Variants in NRXN1 observed in about 807,000 individuals in gnomAD.
NRXN1 encodes neurexin-1.
Under a neutral mutation model 150.9 loss-of-function variants are expected in NRXN1, and 39 were observed. That is an observed-to-expected ratio of 0.26 (90% CI 0.20 to 0.34). The LOEUF is 0.34. NRXN1 is among the 10% of genes least tolerant of loss of function. NRXN1 has a pLI of 1.00. For synonymous variants in NRXN1, 924 were observed against 757.0 expected (o/e 1.22, Z -3.62); for missense variants, 1,815 against 1,949.9 (o/e 0.93, Z 1.30).
At chr2:50,400,945 TG>T (rs1457158304) in intron 17 of NRXN1, among the ~76,000 whole-genome samples, 1 of 152,174 alleles carries the variant, frequency 6.6e-6, no homozygotes, top group East Asian at 1.9e-4. Flanking sequence ...CATAGTGCTG[TG>T]TGATCACCTT....
At position 50,439,708 on chromosome 2, in the gene NRXN1, T is replaced by C. The variant is rs530311750; in HGVS notation, c.3364+25734A>G. Among the ~76,000 whole-genome samples, 589 of 151,664 alleles carry C rather than the reference T, an allele frequency of 3.9e-3. 3 individuals carry two copies. Among genetic ancestry groups the C allele is most frequent in the African/African-American group, 0.014 (576 of 41,320 alleles). On this transcript the variant is annotated intron_variant, in intron 17 of 22. Coordinates refer to ENST00000401669, the MANE Select transcript of NRXN1 (RefSeq NM_001330078.2). ...GGCGGGTACCTGTAGTCCCAGCTAC[T>C]CGGGAGGCTGAGGCAGGAGAATGGC...
chr2:50,212,698 A>C (rs1488641589), intron 18 of NRXN1, among the ~76,000 whole-genome samples: 1 of 151,864 alleles, frequency 6.6e-6, no homozygotes, highest in African/African-American at 2.4e-5. Context: ...ATAAACCAAA[A>C]ATATTACTCA....
chr2:50,019,641 C>CAAAAAAAAAAAAAAAAAAAAAAAAAAAAA (rs764073226), intron 21 of NRXN1, among the ~76,000 whole-genome samples: 1 of 25,554 alleles, frequency 3.9e-5, no homozygotes, highest in Non-Finnish European at 6.4e-5. Context: ...GATTCCGTCT[C>CAAAAAAAAAAAAAAAAAAAAAAAAAAAAA]AAAAAAAAAA....
At chr2:50,522,011 G>A (rs1472552697) in intron 12 of NRXN1, among the ~76,000 whole-genome samples, 1 of 152,142 alleles carries the variant, frequency 6.6e-6, no homozygotes, top group Non-Finnish European at 1.5e-5. Context: ...TATACAGCCA[G>A]TGAAAGGGAT....
intron 17 of NRXN1, among the ~76,000 whole-genome samples, chr2:50,306,228 G>C (rs2074596187): frequency 6.6e-6 from 1 of 152,184 alleles, no homozygotes; most frequent in African/African-American, 2.4e-5. Context: ...ACAAATGTCA[G>C]TGAATTCATT....
chr2:50,156,482 C>T (rs2059028747), intron 18 of NRXN1, among the ~76,000 whole-genome samples: 1 of 151,810 alleles, frequency 6.6e-6, no homozygotes, highest in Non-Finnish European at 1.5e-5. Flanking sequence ...GGTTCCTTGC[C>T]TTTTATCTTA....
chr2:50,587,138 A>G (rs1370973066), intron 8 of NRXN1, among the ~76,000 whole-genome samples: 1 of 152,294 alleles, frequency 6.6e-6, no homozygotes, highest in East Asian at 1.9e-4. Context: ...TTTGCTGCAA[A>G]CCTACTTAAC....
At position 50,976,378 on chromosome 2, in the gene NRXN1, GTTATC is replaced by G. The variant is rs539502208; in HGVS notation, c.773-50428_773-50424del. On this transcript the variant is annotated intron_variant, in intron 2 of 22. Coordinates refer to ENST00000401669, the MANE Select transcript of NRXN1 (RefSeq NM_001330078.2). Reference sequence around the variant, plus strand: ...AAATGATTGACAAATTGAATGCTGTGTTATCTTAACAGTTTCCTTACATCTTCTTT... The same window carrying G: ...AAATGATTGACAAATTGAATGCTGTGTTAACAGTTTCCTTACATCTTCTTT... 1.3e-3 allele frequency among the ~76,000 whole-genome samples: 200 copies of G among 151,770 alleles called. 2 individuals carry two copies. The highest frequency in any genetic ancestry group is 4.4e-3 in the African/African-American group (184 of 41,442).
intron 17 of NRXN1, among the ~76,000 whole-genome samples, chr2:50,435,671 T>C (rs984157388): frequency 2.6e-5 from 4 of 152,176 alleles, no homozygotes; most frequent in Non-Finnish European, 5.9e-5. Context: ...ATAATGGGAT[T>C]GCTGGGTTGA....
chr2:50,423,831 A>C (rs924651462), intron 17 of NRXN1, among the ~76,000 whole-genome samples: 8 of 152,110 alleles, frequency 5.3e-5, no homozygotes, highest in Non-Finnish European at 4.4e-5. Flanking sequence ...TATAGAGATG[A>C]TGTTTAAGCA....
At chr2:50,517,556 G>T (rs1367155031) in intron 12 of NRXN1, among the ~76,000 whole-genome samples, 1 of 152,076 alleles carries the variant, frequency 6.6e-6, no homozygotes, top group Non-Finnish European at 1.5e-5. Flanking sequence ...TTCATATTTA[G>T]CAGGATGGAA....
At chr2:50,958,277 C>A (rs1330506451) in intron 2 of NRXN1, among the ~76,000 whole-genome samples, 2 of 152,072 alleles carry the variant, frequency 1.3e-5, no homozygotes, top group African/African-American at 4.8e-5. Context: ...AATAAGCTTT[C>A]TGTGTACCCA....
At chr2:50,884,764 C>T (rs898258627) in intron 5 of NRXN1, among the ~76,000 whole-genome samples, 9 of 151,404 alleles carry the variant, frequency 5.9e-5, no homozygotes, top group Non-Finnish European at 1.3e-4. Flanking sequence ...AACATAGAAA[C>T]CCATAGGTTT....
intron 5 of NRXN1, among the ~76,000 whole-genome samples, chr2:50,819,919 T>C (rs979690836): frequency 6.6e-6 from 1 of 152,112 alleles, no homozygotes; most frequent in Non-Finnish European, 1.5e-5. Context: ...GCCATTTGCA[T>C]TGTATCACCC....
Position 50,626,684 on chromosome 2 carries a change from G to A in NRXN1, c.833-3069C>T, listed in dbSNP as rs776765175. Among the ~76,000 whole-genome samples the A allele has an allele frequency of 8.3e-4, 126 of 151,918 alleles. 1 individual carries two copies. The highest frequency in any genetic ancestry group is 3.0e-3 in the African/African-American group (124 of 41,494). ...GAAAACTTGTCAGACAATAAAGTTT[G>A]ATATGGAAGAATGGAAGGACTTCTA... On this transcript the variant is annotated intron_variant, in intron 5 of 22. Transcript: ENST00000401669.
intron 17 of NRXN1, among the ~76,000 whole-genome samples, chr2:50,416,651 A>C (rs1175353247): frequency 1.3e-5 from 2 of 152,064 alleles, no homozygotes; most frequent in African/African-American, 4.8e-5. Flanking sequence ...GCCTCAGGAA[A>C]TTTATAATCA....
intron 5 of NRXN1, among the ~76,000 whole-genome samples, chr2:50,739,987 C>G (rs1699239195): frequency 6.6e-6 from 1 of 152,188 alleles, no homozygotes; most frequent in South Asian, 2.1e-4. Context: ...ATGCTGATTT[C>G]TCTAAGCTCC....
intron 5 of NRXN1, among the ~76,000 whole-genome samples, chr2:50,673,089 G>A (rs961690964): frequency 1.2e-4 from 18 of 151,990 alleles, no homozygotes; most frequent in African/African-American, 4.3e-4. Flanking sequence ...TGAAAGGAGT[G>A]GAGAAAATGA....
intron 5 of NRXN1, among the ~76,000 whole-genome samples, chr2:50,868,662 G>T (rs1677322571): frequency 6.6e-6 from 1 of 151,760 alleles, no homozygotes; most frequent in Admixed American, 6.6e-5. Context: ...TAAAATTATT[G>T]TAGACAATTG....
Sources: gnomAD v4.1 joint callset for allele counts (sites outside exome capture counted in the v4.1 genomes callset) on GRCh38, gnomAD v4.1.1 for gene constraint, MANE v1.5 for transcripts, NCBI Gene and HGNC (gene_info 2026-07-23, HGNC 2026-07-21) for gene names.